The following SGCD variants were observed in gnomAD, a reference collection of about 807,000 sequenced individuals.
SGCD encodes the protein delta-sarcoglycan.
Under a neutral mutation model 36.6 loss-of-function variants are expected in SGCD, and 18 were observed. The observed-to-expected ratio is 0.49, with a 90% CI of 0.34 to 0.73. The LOEUF (loss-of-function observed/expected upper bound fraction) is 0.73. Ranked by LOEUF, SGCD falls within the 30% of genes least tolerant of loss-of-function variation. The probability of loss-of-function intolerance (pLI) is 0.01; values close to 1 mark genes in which losing one functional copy is unlikely to be tolerated. For missense variants in SGCD, 387 were observed against 346.7 expected, an observed-to-expected ratio of 1.12 and a Z score of -0.92; for synonymous variants, 133 against 130.6, an observed-to-expected ratio of 1.02 and a Z score of -0.12.
At chr5:156,585,041 A>G (rs1280766009) in intron 4 of SGCD, among the ~76,000 whole-genome samples, 2 of 152,208 alleles carry the variant, frequency 1.3e-5, no homozygotes, top group African/African-American at 2.4e-5. Context: ...GAAATCATTG[A>G]GAGAAAACAG....
chr5:156,355,963 T>C (rs1400835665), intron 3 of SGCD, among the ~76,000 whole-genome samples: 2 of 152,206 alleles, frequency 1.3e-5, no homozygotes, highest in African/African-American at 4.8e-5. Context: ...GATGGACATC[T>C]TTTTTCTTCT....
intron 1 of SGCD, among the ~76,000 whole-genome samples, chr5:156,003,144 C>T (rs981117953): frequency 1.3e-5 from 2 of 152,134 alleles, no homozygotes; most frequent in Non-Finnish European, 2.9e-5. Context: ...CCAGTCAGTC[C>T]CTCTAATAGG....
intron 1 of SGCD, among the ~76,000 whole-genome samples, chr5:155,909,596 A>G (rs1209010776): frequency 6.6e-6 from 1 of 152,164 alleles, no homozygotes; most frequent in Non-Finnish European, 1.5e-5. Flanking sequence ...ATTATAGAGT[A>G]TTTTAGACTG....
At chr5:155,879,343 C>T (rs529351994) in intron 1 of SGCD, among the ~76,000 whole-genome samples, 32 of 152,128 alleles carry the variant, frequency 2.1e-4, no homozygotes, top group Non-Finnish European at 4.1e-4. Flanking sequence ...TTCGTGCAGC[C>T]AGATCTTCAT....
At chr5:156,266,103 ATCT>A (rs1765994491) in intron 3 of SGCD, among the ~76,000 whole-genome samples, 1 of 152,250 alleles carries the variant, frequency 6.6e-6, no homozygotes, top group Non-Finnish European at 1.5e-5. Flanking sequence ...TGTTAATAAA[ATCT>A]TCTGTGATAT....
chr5:156,728,404 G>T (rs1038054893), intron 7 of SGCD, among the ~76,000 whole-genome samples: 2 of 149,850 alleles, frequency 1.3e-5, no homozygotes, highest in Non-Finnish European at 3.0e-5. Flanking sequence ...CCAGCTACCT[G>T]AGAGGCTGAG....
chr5:156,538,105 G>GAAA (rs112252812), intron 4 of SGCD, among the ~76,000 whole-genome samples: 61 of 148,292 alleles, frequency 4.1e-4, no homozygotes, highest in African/African-American at 1.4e-3. Context: ...AATATATTTG[G>GAAA]AAAAAAAAAA....
At chr5:156,103,207 T>G (rs1028461221) in intron 1 of SGCD, among the ~76,000 whole-genome samples, 1 of 152,062 alleles carries the variant, frequency 6.6e-6, no homozygotes, top group Non-Finnish European at 1.5e-5. Flanking sequence ...ATTAGAAGAG[T>G]TGGATGAAGA....
chr5:156,149,785 C>G (rs1762791336), intron 3 of SGCD, among the ~76,000 whole-genome samples: 1 of 152,046 alleles, frequency 6.6e-6, no homozygotes, highest in Admixed American at 6.5e-5. Context: ...TTTAAGTGAG[C>G]CTATGGTTTG....
intron 1 of SGCD, among the ~76,000 whole-genome samples, chr5:155,996,809 T>C (rs911107228): frequency 6.8e-6 from 1 of 146,772 alleles, no homozygotes; most frequent in East Asian, 2.0e-4. Context: ...AAAATAAAAA[T>C]AATTTTTAAA....
chr5:156,191,574 G>T (rs1354229172), intron 3 of SGCD, among the ~76,000 whole-genome samples: 2 of 152,076 alleles, frequency 1.3e-5, no homozygotes, highest in Non-Finnish European at 2.9e-5. Context: ...TGTTGCTAGG[G>T]TTTCCTTCCC....
intron 7 of SGCD, among the ~76,000 whole-genome samples, chr5:156,670,751 C>T (rs145658847): frequency 6.4e-4 from 97 of 152,222 alleles, no homozygotes; most frequent in African/African-American, 2.2e-3. Context: ...GAGAGTAAGA[C>T]GATCAGATCT....
intron 1 of SGCD, among the ~76,000 whole-genome samples, chr5:155,973,920 G>A (rs931449750): frequency 2.0e-5 from 3 of 152,152 alleles, no homozygotes; most frequent in African/African-American, 7.2e-5. Flanking sequence ...CTCCAGTATG[G>A]TCTGGCCTCC....
chr5:156,106,049 G>T (rs1761638361), intron 1 of SGCD, among the ~76,000 whole-genome samples: 1 of 137,338 alleles, frequency 7.3e-6, no homozygotes. Context: ...GGTGGAGGTT[G>T]CAGTGAGTGG....
chr5:156,595,090 T>C (rs200351863), intron 6 of SGCD, 39 bp downstream of exon 6: 206 of 1,581,284 alleles, frequency 1.3e-4, no homozygotes, highest in Non-Finnish European at 1.6e-4. Flanking sequence ...TTGATGCTAC[T>C]GTGTACATTT....
chr5:155,829,287 C>A, the SGCD span, among the ~76,000 whole-genome samples: 1 of 151,228 alleles, frequency 6.6e-6, no homozygotes, highest in Admixed American at 6.6e-5. Context: ...AGCCCAGAGC[C>A]CAGGAAACAG....
intron 7 of SGCD, among the ~76,000 whole-genome samples, chr5:156,710,220 T>C (rs954293987): frequency 6.6e-5 from 10 of 152,146 alleles, no homozygotes; most frequent in Non-Finnish European, 1.5e-4. Flanking sequence ...GAAGAGGTGC[T>C]CAGTAAATAC....
At chr5:156,305,038 CATAAAATTTCAGAAA>C (rs534688098) in intron 3 of SGCD, among the ~76,000 whole-genome samples, 336 of 152,192 alleles carry the variant, frequency 2.2e-3, no homozygotes, top group African/African-American at 7.6e-3. Context: ...AGAAGTAGAT[CATAAAATTTCAGAAA>C]ATTTGCAGCC....
the SGCD span, among the ~76,000 whole-genome samples, chr5:155,753,636 C>T: frequency 6.6e-6 from 1 of 152,108 alleles, no homozygotes; most frequent in South Asian, 2.1e-4. Context: ...GGGGAGCTGA[C>T]AAGAGGCTTC....
Sources: allele counts gnomAD v4.1 joint callset (sites outside exome capture counted in the v4.1 genomes callset), GRCh38; gene constraint gnomAD v4.1.1; transcripts MANE v1.5; gene names NCBI Gene and HGNC (gene_info 2026-07-23, HGNC 2026-07-21).